Variants in MAP7 observed in about 807,000 individuals in gnomAD.
MAP7 encodes microtubule associated protein 7, also known as ensconsin.
MAP7 carries 52 observed loss-of-function variants against 94.8 expected under a neutral mutation model. The observed-to-expected ratio is 0.55, with a 90% confidence interval of 0.44 to 0.69. MAP7 has a LOEUF of 0.69. Among genes scored for constraint, MAP7 ranks in the 30% least tolerant of loss-of-function variants. MAP7 has a pLI of 0.00. For synonymous variants in MAP7, 350 were observed against 357.0 expected (o/e 0.98, Z 0.22); for missense variants, 940 against 964.6 (o/e 0.97, Z 0.34).
chr6:136,536,764 C>T (rs778709442), intron 1 of MAP7, among the ~76,000 whole-genome samples: 1 of 152,188 alleles, frequency 6.6e-6, no homozygotes, highest in Non-Finnish European at 1.5e-5. Context: ...AAGAGGGAAG[C>T]AAAAACTGTT....
chr6:136,400,152 C>T (rs1783654342), intron 3 of MAP7, among the ~76,000 whole-genome samples: 1 of 152,104 alleles, frequency 6.6e-6, no homozygotes, highest in South Asian at 2.1e-4. Flanking sequence ...TGTGGTGGCT[C>T]ACGCCTGTAA....
intron 7 of MAP7, among the ~76,000 whole-genome samples, chr6:136,374,025 G>C (rs927225954): frequency 1.3e-5 from 2 of 152,166 alleles, no homozygotes; most frequent in Non-Finnish European, 2.9e-5. Context: ...GCAGTGGCAC[G>C]ATCTCATCTC....
chr6:136,409,243 GGT>G (rs1786582006), intron 3 of MAP7, among the ~76,000 whole-genome samples: 1 of 152,136 alleles, frequency 6.6e-6, no homozygotes, highest in South Asian at 2.1e-4. Context: ...AAAAATGCCA[GGT>G]GTGGTGACGT....
intron 1 of MAP7, among the ~76,000 whole-genome samples, chr6:136,442,556 C>G (rs1562404838): frequency 6.6e-6 from 1 of 152,138 alleles, no homozygotes; most frequent in Admixed American, 6.6e-5. Context: ...CCACCCAGAC[C>G]CGCTGAGCTG....
At chr6:136,434,395 T>C (rs949799765) in intron 1 of MAP7, among the ~76,000 whole-genome samples, 1 of 151,276 alleles carries the variant, frequency 6.6e-6, no homozygotes, top group Non-Finnish European at 1.5e-5. Context: ...TATTAAGTAA[T>C]TAAGGCTATC....
rs962805508 is a variant in MAP7, at chr6:136,525,717, T to C, written c.67+24625A>G. 3.5e-6 allele frequency: 4 copies of C among 1,140,132 alleles called. No homozygotes were observed. The African/African-American group carries it at 4.7e-5, about 13-fold the overall frequency. 70.6% of individuals were successfully genotyped at this position (1,140,132 alleles called of 1,614,324 possible). On this transcript the variant is annotated intron_variant, in intron 1 of 17. Transcript: ENST00000354570. ...ACTACCAGCAAACCGTGCTAGGAGGTCACAAGCACTCCCTGGAGCATGCAC... is the reference window on the plus strand; with the variant it reads ...ACTACCAGCAAACCGTGCTAGGAGGCCACAAGCACTCCCTGGAGCATGCAC...
intron 1 of MAP7, among the ~76,000 whole-genome samples, chr6:136,516,229 T>G (rs1824780770): frequency 3.9e-5 from 6 of 152,036 alleles, no homozygotes; most frequent in Admixed American, 3.9e-4. Flanking sequence ...GCTACGATCA[T>G]GGCTCACTGC....
intron 9 of MAP7, 114 bp downstream of exon 9, chr6:136,366,213 G>T: frequency 9.5e-7 from 1 of 1,057,078 alleles, no homozygotes. Flanking sequence ...TGGGAAGAAT[G>T]CTATTCCCTA....
In MAP7 at chr6:136,360,993, G is replaced by T; in HGVS notation, c.1701+12C>A. ...GGACTGGGGCCGGGGCCAGGGTGGGGTGCGGCCGCACCTGCCTCTGGGCGC... is the reference window on the plus strand; with the variant it reads ...GGACTGGGGCCGGGGCCAGGGTGGGTTGCGGCCGCACCTGCCTCTGGGCGC... On this transcript the variant is annotated intron_variant, in intron 12 of 17. Coordinates refer to ENST00000354570, the MANE Select transcript of MAP7 (RefSeq NM_003980.6). 6.4e-7 allele frequency: 1 copy of T among 1,560,742 alleles called. No homozygotes were observed. The highest frequency in any genetic ancestry group is 1.4e-5 in the African/African-American group (1 of 73,868).
In MAP7 at chr6:136,356,796, T is replaced by C; in HGVS notation, c.1913-2A>G. The C allele has an allele frequency of 6.2e-7, 1 of 1,612,636 alleles. No homozygotes were observed. The highest frequency in any genetic ancestry group is 1.3e-5 in the African/African-American group (1 of 75,022). On this transcript the variant is annotated splice_acceptor_variant, in intron 15 of 17. Coordinates refer to ENST00000354570, the MANE Select transcript of MAP7 (RefSeq NM_003980.6). LOFTEE classifies it high-confidence loss of function. ...TTGTACATGGAAGTGCAGACACCTC[T>C]GGGCATAGTAAAGGAGACAGAACAC... is the stretch of plus-strand genomic sequence containing the variant.
At chr6:136,449,416 T>A (rs1800418467) in intron 1 of MAP7, among the ~76,000 whole-genome samples, 1 of 152,202 alleles carries the variant, frequency 6.6e-6, no homozygotes, top group Non-Finnish European at 1.5e-5. Context: ...CAAACCAGAA[T>A]AAGTTCAGAG....
At chr6:136,351,219 T>G (rs1254644113) in intron 16 of MAP7, among the ~76,000 whole-genome samples, 2 of 149,022 alleles carry the variant, frequency 1.3e-5, no homozygotes, top group African/African-American at 5.0e-5. Flanking sequence ...TGATACTGAC[T>G]CCTTGTGTTT....
intron 3 of MAP7, among the ~76,000 whole-genome samples, chr6:136,393,652 T>C (rs1387353364): frequency 1.3e-5 from 2 of 152,154 alleles, no homozygotes; most frequent in Non-Finnish European, 2.9e-5. Flanking sequence ...CTATTTATTT[T>C]AGAGCCAGGG....
At chr6:136,528,850 T>C (rs1486212282) in intron 1 of MAP7, among the ~76,000 whole-genome samples, 1 of 151,708 alleles carries the variant, frequency 6.6e-6, no homozygotes, top group Non-Finnish European at 1.5e-5. Context: ...AAAGGATTTT[T>C]TTCCTTCCCT....
At position 136,455,253 on chromosome 6, in the gene MAP7, T is replaced by G. The variant is rs561427452; in HGVS notation, c.68-33454A>C. 2.0e-5 allele frequency among the ~76,000 whole-genome samples: 3 copies of G among 152,208 alleles called. No homozygotes were observed. The South Asian group carries it at 6.2e-4, about 32-fold the overall frequency. On this transcript the variant is annotated intron_variant, in intron 1 of 17. Coordinates refer to ENST00000354570, the MANE Select transcript of MAP7 (RefSeq NM_003980.6). ...TAAAAGTGTTATAAAGAATATTATA[T>G]AATGATAAAAGAGTCATTTCACCAG...
At chr6:136,402,946 G>C (rs376841245) in intron 3 of MAP7, among the ~76,000 whole-genome samples, 1 of 115,328 alleles carries the variant, frequency 8.7e-6, no homozygotes, top group Non-Finnish European at 1.8e-5. Flanking sequence ...AAAAAAGAAA[G>C]AAAAAGAAAA....
chr6:136,488,893 T>C (rs372715645), intron 1 of MAP7, among the ~76,000 whole-genome samples: 7 of 152,142 alleles, frequency 4.6e-5, no homozygotes, highest in East Asian at 1.9e-4. Flanking sequence ...ACCATCCCTC[T>C]TTTTTGCAAT....
chr6:136,509,231 C>T (rs533720703), intron 1 of MAP7, among the ~76,000 whole-genome samples: 100 of 152,340 alleles, frequency 6.6e-4, no homozygotes, highest in African/African-American at 2.2e-3. Flanking sequence ...AATCCAGTGT[C>T]AGTGGCCAAC....
Position 136,421,732 on chromosome 6 carries a change from T to C in MAP7, c.135A>G (p.Gly45=). Residue 45 remains glycine (G), a synonymous_variant, in exon 2 of 18, where the codon GGA becomes GGG. Transcript: ENST00000354570. ...TATTTCCTGAGTGGTTGTTATTTTG[T>C]CCTGAAATTGCAGAGGCAGGGCGGC... ...ASSRPASAIS[G]QNNNHSGNKP... 6.2e-7 allele frequency: 1 copy of C among 1,614,100 alleles called. No homozygotes were observed. Among genetic ancestry groups the C allele is most frequent in the Non-Finnish European group, 8.5e-7 (1 of 1,179,994 alleles).
Sources: gnomAD v4.1 joint callset for allele counts (sites outside exome capture counted in the v4.1 genomes callset) on GRCh38, gnomAD v4.1.1 for gene constraint, MANE v1.5 for transcripts, NCBI Gene and HGNC (gene_info 2026-07-23, HGNC 2026-07-21) for gene names.